The following SPIDR variants were observed in gnomAD, a reference collection of about 807,000 sequenced individuals.
SPIDR encodes the protein DNA repair-scaffolding protein.
A neutral mutation model predicts 104.6 loss-of-function variants in SPIDR; 93 were observed. That is an observed-to-expected ratio of 0.89 (90% CI 0.75 to 1.06). The LOEUF is 1.06. SPIDR is among the 50% of genes least tolerant of loss of function. The probability of loss-of-function intolerance (pLI) is 0.00; values close to 1 mark genes in which losing one functional copy is unlikely to be tolerated. For missense variants in SPIDR, 1,154 were observed against 1,111.2 expected (o/e 1.04, Z -0.55); for synonymous variants, 431 against 416.9 (o/e 1.03, Z -0.41).
intron 19 of SPIDR, among the ~76,000 whole-genome samples, chr8:47,730,213 G>A (rs1193951448): frequency 6.6e-6 from 1 of 152,180 alleles, no homozygotes; most frequent in Non-Finnish European, 1.5e-5. Flanking sequence ...TAGTAAAGCA[G>A]GGTGGCTCCT....
rs781840199 is a variant in SPIDR, at chr8:47,396,375, G to A, written c.526-1G>A. Reference sequence around the variant, plus strand: ...ATGCCTTTCTTTTAATTTTTTTTCAGCCAAGTTCTATAGAAATTTTAGAGT... The same window carrying A: ...ATGCCTTTCTTTTAATTTTTTTTCAACCAAGTTCTATAGAAATTTTAGAGT... On this transcript the variant is annotated splice_acceptor_variant, in intron 5 of 19. Coordinates refer to ENST00000297423, the MANE Select transcript of SPIDR (RefSeq NM_001080394.4). LOFTEE classifies it high-confidence loss of function. 2 of 1,593,426 alleles carry A rather than the reference G, an allele frequency of 1.3e-6. No individual in the cohort carries two copies. Among genetic ancestry groups the A allele is most frequent in the Admixed American group, 1.7e-5 (1 of 58,776 alleles).
intron 1 of SPIDR, among the ~76,000 whole-genome samples, chr8:47,265,126 A>G (rs2033632106): frequency 6.6e-6 from 1 of 151,446 alleles, no homozygotes. Context: ...AGTCTCATTG[A>G]ATGATTTACT....
At chr8:47,545,160 G>A (rs1437896062) in intron 8 of SPIDR, among the ~76,000 whole-genome samples, 9 of 130,288 alleles carry the variant, frequency 6.9e-5, no homozygotes, top group Non-Finnish European at 1.2e-4. Flanking sequence ...TCACTGTCTC[G>A]CCCAGGCTGG....
chr8:47,540,909 G>C (rs1165338495), intron 8 of SPIDR, among the ~76,000 whole-genome samples: 1 of 152,130 alleles, frequency 6.6e-6, no homozygotes, highest in Non-Finnish European at 1.5e-5. Flanking sequence ...GCCTAGGCTG[G>C]AGTGCAGTGG....
chr8:47,655,763 C>T (rs1407405806), intron 10 of SPIDR, among the ~76,000 whole-genome samples: 1 of 152,100 alleles, frequency 6.6e-6, no homozygotes, highest in Non-Finnish European at 1.5e-5. Context: ...GCTTTTGTTG[C>T]CATTGCTTTT....
chr8:47,601,609 G>A (rs1405091640), intron 10 of SPIDR, among the ~76,000 whole-genome samples: 1 of 152,166 alleles, frequency 6.6e-6, no homozygotes, highest in African/African-American at 2.4e-5. Flanking sequence ...CAGAAGAATC[G>A]CTTAAACAGG....
chr8:47,607,239 G>A (rs1432079879), intron 10 of SPIDR, among the ~76,000 whole-genome samples: 1 of 152,122 alleles, frequency 6.6e-6, no homozygotes, highest in Non-Finnish European at 1.5e-5. Flanking sequence ...TGTAATTGAT[G>A]CCATAGCCCA....
chr8:47,700,541 G>T (rs1472243984), intron 12 of SPIDR, 51 bp downstream of exon 12: 1 of 1,587,906 alleles, frequency 6.3e-7, no homozygotes. Context: ...CTCCATGCCA[G>T]GTGCCAAGCC....
intron 7 of SPIDR, among the ~76,000 whole-genome samples, chr8:47,433,673 T>C (rs1393957335): frequency 6.6e-6 from 1 of 152,246 alleles, no homozygotes; most frequent in Non-Finnish European, 1.5e-5. Flanking sequence ...GTCTGAGATA[T>C]TCTCATTTAA....
intron 9 of SPIDR, among the ~76,000 whole-genome samples, chr8:47,598,742 C>T (rs896527847): frequency 6.6e-6 from 1 of 152,170 alleles, no homozygotes; most frequent in African/African-American, 2.4e-5. Flanking sequence ...TCGCCTTCAG[C>T]TTGCAGTCTT....
intron 8 of SPIDR, among the ~76,000 whole-genome samples, chr8:47,530,375 T>A (rs1317269387): frequency 6.6e-6 from 1 of 151,518 alleles, no homozygotes; most frequent in Non-Finnish European, 1.5e-5. Context: ...ACCTGGGAGG[T>A]GGAGGTTGCA....
chr8:47,725,530 T>C lies in SPIDR; in HGVS notation c.2342-1670T>C, dbSNP rs138434738. On this transcript the variant is annotated intron_variant, in intron 16 of 19. Transcript: ENST00000297423. ...CCTCAGCCTCCCGAGGAGCTGGGAC[T>C]ACAGGCGCGTGCCACCACGCCTGGC... 2.9e-3 allele frequency among the ~76,000 whole-genome samples: 443 copies of C among 152,242 alleles called. 2 individuals carry two copies. The highest frequency in any genetic ancestry group is 7.3e-3 in the Admixed American group (112 of 15,290).
intron 8 of SPIDR, among the ~76,000 whole-genome samples, chr8:47,553,229 A>G (rs1285635240): frequency 6.6e-6 from 1 of 151,848 alleles, no homozygotes; most frequent in Non-Finnish European, 1.5e-5. Context: ...TGAATCTGAC[A>G]ATTATGTGTC....
chr8:47,375,270 C>T (rs1409053131), intron 5 of SPIDR, among the ~76,000 whole-genome samples: 4 of 100,106 alleles, frequency 4.0e-5, no homozygotes, highest in Admixed American at 1.7e-4. Context: ...GAGCCAGAGT[C>T]GCACTCTGTT....
At chr8:47,691,888 T>C (rs2078708962) in intron 11 of SPIDR, among the ~76,000 whole-genome samples, 1 of 152,176 alleles carries the variant, frequency 6.6e-6, no homozygotes, top group South Asian at 2.1e-4. Flanking sequence ...CTGGGCTCGC[T>C]CCCAACCCTG....
chr8:47,267,212 G>A (rs1325255208), intron 1 of SPIDR, among the ~76,000 whole-genome samples: 2 of 151,726 alleles, frequency 1.3e-5, no homozygotes, highest in African/African-American at 2.4e-5. Context: ...TTGAGATCCG[G>A]TCTCATTATA....
chr8:47,480,492 C>T (rs759191400), intron 8 of SPIDR, among the ~76,000 whole-genome samples: 26 of 152,314 alleles, frequency 1.7e-4, no homozygotes, highest in Non-Finnish European at 1.0e-4. Context: ...AACTTTCCAG[C>T]TCTTAAAAAT....
intron 8 of SPIDR, among the ~76,000 whole-genome samples, chr8:47,482,880 A>T (rs1469039397): frequency 6.6e-6 from 1 of 151,990 alleles, no homozygotes; most frequent in Non-Finnish European, 1.5e-5. Flanking sequence ...CTGTCGCCCA[A>T]GCTGGAGTGC....
At chr8:47,677,217 T>C (rs192347517) in intron 11 of SPIDR, among the ~76,000 whole-genome samples, 1 of 152,264 alleles carries the variant, frequency 6.6e-6, no homozygotes, top group African/African-American at 2.4e-5. Flanking sequence ...TGCGGCACTT[T>C]AGTAGGCCAA....
Sources: gnomAD v4.1 joint callset for allele counts (sites outside exome capture counted in the v4.1 genomes callset) on GRCh38, gnomAD v4.1.1 for gene constraint, MANE v1.5 for transcripts, NCBI Gene and HGNC (gene_info 2026-07-23, HGNC 2026-07-21) for gene names.